The following GRID2IP variants were observed in gnomAD, a reference collection of about 807,000 sequenced individuals.
GRID2IP encodes delphilin.
GRID2IP carries 78 observed loss-of-function variants against 114.3 expected under a neutral mutation model. The ratio of observed to expected loss-of-function variants is 0.68; its 90% CI spans 0.57 to 0.82. GRID2IP has a LOEUF of 0.82. Ranked by LOEUF, GRID2IP falls within the 40% of genes least tolerant of loss-of-function variation. The pLI is 0.00. For missense variants in GRID2IP, 1,727 were observed against 1,678.5 expected (o/e 1.03, Z -0.51); for synonymous variants, 809 against 724.0 (o/e 1.12, Z -1.89).
At chr7:6,531,911 C>A (rs1779634433) in intron 2 of GRID2IP, among the ~76,000 whole-genome samples, 1 of 152,296 alleles carries the variant, frequency 6.6e-6, no homozygotes, top group East Asian at 1.9e-4. Flanking sequence ...GTGTCTGAGG[C>A]CTGGGGAGTC....
intron 21 of GRID2IP, 107 bp from the exon 22 acceptor site, chr7:6,497,952 A>T (rs146192754): frequency 4.3e-6 from 6 of 1,401,214 alleles, no homozygotes; most frequent in Non-Finnish European, 5.8e-6. Context: ...TTAGGGGGAC[A>T]TGTCGCTCAC....
At chr7:6,550,410 G>A (rs545521946) in intron 1 of GRID2IP, among the ~76,000 whole-genome samples, 1 of 151,994 alleles carries the variant, frequency 6.6e-6, no homozygotes, top group Admixed American at 6.6e-5. Context: ...TTGATCAAGA[G>A]GGTGGTTATT....
chr7:6,540,393 T>C (rs1779795193), intron 1 of GRID2IP, among the ~76,000 whole-genome samples: 1 of 152,210 alleles, frequency 6.6e-6, no homozygotes, highest in Non-Finnish European at 1.5e-5. Flanking sequence ...ATTACAAGCG[T>C]GAGCCACCGC....
In GRID2IP at chr7:6,532,106, C is replaced by T. The variant is rs1583349739; in HGVS notation, c.585-5337G>A. Among the ~76,000 whole-genome samples the T allele has an allele frequency of 6.6e-6, 1 of 152,228 alleles. No individual in the cohort carries two copies. The highest frequency in any genetic ancestry group is 1.5e-5 in the Non-Finnish European group (1 of 67,996). On this transcript the variant is annotated intron_variant, in intron 2 of 21. Coordinates refer to ENST00000457091, the MANE Select transcript of GRID2IP (RefSeq NM_001145118.2). The surrounding 1 kb of genome is among the most constrained non-coding windows in gnomAD (Gnocchi z 4.4). The stretch of plus-strand genomic sequence containing the variant: ...TGGACTCATCCCTGGAGGCTCTGGG[C>T]CTGCCATCCCCTGAACAGCAGCAGG...
intron 17 of GRID2IP, 65 bp from the exon 18 acceptor site, chr7:6,502,937 T>C: frequency 6.5e-7 from 1 of 1,543,046 alleles, no homozygotes; most frequent in Non-Finnish European, 8.8e-7. Context: ...GCTGTCTGGA[T>C]GGGCCTCCAG....
chr7:6,498,194 G>A lies in GRID2IP; in HGVS notation c.3434C>T (p.Ala1145Val), dbSNP rs1010698514. The A allele has an allele frequency of 4.3e-5, 67 of 1,548,780 alleles. No individual in the cohort carries two copies. In the Middle Eastern group the frequency reaches 6.7e-4, roughly 15 times the overall value. The change falls in exon 21 of 22, where the codon GCG becomes GTG. Residue 1145 changes from alanine (A) to valine (V), a missense_variant. By Grantham distance (64) the Ala-to-Val change is moderately conservative. Transcript: ENST00000457091. ...GGCCTCGCGCTGCAGCCCGTCGAGC[G>A]CCCGAAGTGCTGGCTGGGCCGTCTC... ...FLETAQPALR[A>V]LDGLQREAME...
In GRID2IP at chr7:6,503,305, G is replaced by A. The variant is rs1195451018; in HGVS notation, c.2908-142C>T. 2.8e-6 allele frequency: 3 copies of A among 1,062,172 alleles called. No individual in the cohort carries two copies. In the East Asian group the frequency reaches 7.8e-5, roughly 28 times the overall value. 65.8% of individuals were successfully genotyped at this position (1,062,172 alleles called of 1,614,324 possible). ...AGGAAGAATAAGCACGATCCCTGGG[G>A]GAGCCCGCCTCCCATGTACCTTGGA... On this transcript the variant is annotated intron_variant, in intron 16 of 21. Coordinates refer to ENST00000457091, the MANE Select transcript of GRID2IP (RefSeq NM_001145118.2).
At position 6,535,783 on chromosome 7, in the gene GRID2IP, C is replaced by T. The variant is rs75869956; in HGVS notation, c.584+3935G>A. On this transcript the variant is annotated intron_variant, in intron 2 of 21. Coordinates refer to ENST00000457091, the MANE Select transcript of GRID2IP (RefSeq NM_001145118.2). ...TGGCTCTCTGTGGTCCCCTCTACTC[C>T]CTGTTGGGTGGTTCACAGCTGGGGG... 2.4e-4 allele frequency among the ~76,000 whole-genome samples: 37 copies of T among 152,242 alleles called. No individual in the cohort carries two copies. In the East Asian group the frequency reaches 6.4e-3, roughly 26 times the overall value.
At chr7:6,503,386 G>A (rs556135435) in intron 16 of GRID2IP, 105 bp downstream of exon 16, 11 of 1,169,808 alleles carry the variant, frequency 9.4e-6, no homozygotes, top group Non-Finnish European at 1.3e-5. Flanking sequence ...AGGCTTGGGC[G>A]CAATGGCGGC....
rs996821641 is a variant in GRID2IP, at chr7:6,509,143, T to G, written c.1942A>C (p.Ile648Leu). The change falls in exon 12 of 22, where the codon ATC becomes CTC. Residue 648 changes from isoleucine (I) to leucine (L), a missense_variant. Physicochemically the swap from Ile to Leu is conservative, Grantham distance 5. Transcript: ENST00000457091. The surrounding 1 kb of genome is among the most constrained non-coding windows in gnomAD (Gnocchi z 4.9). ...APSPQPGPGP[I>L]CPDSPPSPDP... ...GGGCTTGGGGGGCTGTCGGGGCAGA[T>G]GGGCCCGGGGCCTGGCTGTGGGGAG... 11 of 1,472,848 alleles carry G rather than the reference T, an allele frequency of 7.5e-6. No individual in the cohort carries two copies. The highest frequency in any genetic ancestry group is 1.4e-5 in the African/African-American group (1 of 71,000). 91.2% of individuals were successfully genotyped at this position (1,472,848 alleles called of 1,614,324 possible).
At position 6,536,110 on chromosome 7, in the gene GRID2IP, C is replaced by T. The variant is rs919590941; in HGVS notation, c.584+3608G>A. Among the ~76,000 whole-genome samples the T allele has an allele frequency of 1.3e-5, 2 of 152,214 alleles. No homozygotes were observed. Among genetic ancestry groups the T allele is most frequent in the Admixed American group, 6.5e-5 (1 of 15,284 alleles). On this transcript the variant is annotated intron_variant, in intron 2 of 21. Coordinates refer to ENST00000457091, the MANE Select transcript of GRID2IP (RefSeq NM_001145118.2). The surrounding 1 kb of genome is among the most constrained non-coding windows in gnomAD (Gnocchi z 5.3). ...TGGGGCTGCCCAGAGATCGCTGCCA[C>T]CCTAGAGGCCAGCACACTATGGGGC...
At position 6,532,528 on chromosome 7, in the gene GRID2IP, AC is replaced by A. The variant is rs889978021; in HGVS notation, c.585-5760del. The stretch of plus-strand genomic sequence containing the variant: ...CTTGCAAGACCATCACTTTGCTGTG[AC>A]CCCCCGTGGCTGTACTTCTTCCTGG... On this transcript the variant is annotated intron_variant, in intron 2 of 21. Transcript: ENST00000457091. This position sits in a 1 kb window ranked among gnomAD's most constrained non-coding sequence, Gnocchi z 4.4. Among the ~76,000 whole-genome samples, 7 of 151,304 alleles carry A rather than the reference AC, an allele frequency of 4.6e-5. No homozygotes were observed. Among genetic ancestry groups the A allele is most frequent in the Non-Finnish European group, 8.8e-5 (6 of 67,860 alleles).
intron 1 of GRID2IP, among the ~76,000 whole-genome samples, chr7:6,549,890 C>G (rs1779944923): frequency 6.6e-6 from 1 of 151,778 alleles, no homozygotes; most frequent in African/African-American, 2.4e-5. Context: ...CTCAGCCTCC[C>G]AAAGTGCTGG....
chr7:6,501,437 C>T (rs1008157064), intron 20 of GRID2IP, among the ~76,000 whole-genome samples: 3 of 152,118 alleles, frequency 2.0e-5, no homozygotes, highest in African/African-American at 7.2e-5. Flanking sequence ...TGTTGTGGCT[C>T]ACACCTGTAA....
rs1006286822 is a variant in GRID2IP at position 6,516,866 on chromosome 7, G to A, written c.1269-2337C>T. ...AATAGGGAAGGGCCCCCTGTCTGGC[G>A]GACACGTGACTCACATGACCTTACC... On this transcript the variant is annotated intron_variant, in intron 7 of 21. Coordinates refer to ENST00000457091, the MANE Select transcript of GRID2IP (RefSeq NM_001145118.2). The surrounding 1 kb of genome is among the most constrained non-coding windows in gnomAD (Gnocchi z 4.3). Among the ~76,000 whole-genome samples the A allele has an allele frequency of 5.9e-5, 9 of 151,994 alleles. No homozygotes were observed. The highest frequency in any genetic ancestry group is 7.3e-5 in the African/African-American group (3 of 41,342).
chr7:6,505,758 G>T, intron 14 of GRID2IP, 62 bp downstream of exon 14: 1 of 1,078,002 alleles, frequency 9.3e-7, no homozygotes, highest in Non-Finnish European at 1.4e-6. Flanking sequence ...GAGATGCTAA[G>T]CCTGGGGCTG....
At chr7:6,547,360 G>A (rs1482296575) in intron 1 of GRID2IP, among the ~76,000 whole-genome samples, 1 of 151,918 alleles carries the variant, frequency 6.6e-6, no homozygotes, top group Non-Finnish European at 1.5e-5. Context: ...GGGCAACATA[G>A]CAAGACCTCA....
chr7:6,498,591 T>G (rs1786327337), intron 20 of GRID2IP, among the ~76,000 whole-genome samples: 1 of 146,528 alleles, frequency 6.8e-6, no homozygotes, highest in African/African-American at 2.5e-5. Flanking sequence ...TTTTTTTTTT[T>G]TTTTTTGAGA....
At position 6,523,939 on chromosome 7, in the gene GRID2IP, G is replaced by C. The variant is rs1439756614; in HGVS notation, c.920-1982C>G. Among the ~76,000 whole-genome samples the C allele has an allele frequency of 1.3e-5, 2 of 152,226 alleles. No homozygotes were observed. The highest frequency in any genetic ancestry group is 4.8e-5 in the African/African-American group (2 of 41,462). Reference sequence around the variant, plus strand: ...TTGGAACAGCCACATCCACAGAGGAGAGATTAATCACTTCTAGAGGAAGCT... The same window carrying C: ...TTGGAACAGCCACATCCACAGAGGACAGATTAATCACTTCTAGAGGAAGCT... On this transcript the variant is annotated intron_variant, in intron 4 of 21. Transcript: ENST00000457091. This position sits in a 1 kb window ranked among gnomAD's most constrained non-coding sequence, Gnocchi z 4.5.
Sources: gnomAD v4.1 joint callset for allele counts (sites outside exome capture counted in the v4.1 genomes callset) on GRCh38, gnomAD v4.1.1 for gene constraint, Gnocchi (gnomAD v3.1) non-coding constraint, MANE v1.5 for transcripts, NCBI Gene and HGNC (gene_info 2026-07-23, HGNC 2026-07-21) for gene names.